The following CDK14 variants were observed in gnomAD, a reference collection of about 807,000 sequenced individuals.
The protein encoded by CDK14 is cyclin dependent kinase 14, also known as cyclin-dependent kinase 14.
In CDK14, 34 loss-of-function variants were observed where a neutral mutation model predicts 60.7. The observed-to-expected ratio is 0.56, with a 90% CI of 0.43 to 0.75. The LOEUF (loss-of-function observed/expected upper bound fraction) is 0.75, where lower values mean the gene tolerates loss of function less well. Ranked by LOEUF, CDK14 falls within the 30% of genes least tolerant of loss-of-function variation. The pLI, the probability that CDK14 is intolerant of heterozygous loss-of-function variation, is 0.00. For missense variants in CDK14, 482 were observed against 564.1 expected, an observed-to-expected ratio of 0.85 and a Z score of 1.47; for synonymous variants, 197 against 203.7, an observed-to-expected ratio of 0.97 and a Z score of 0.28.
chr7:90,767,369 T>C (rs960094650), intron 4 of CDK14, among the ~76,000 whole-genome samples: 2 of 152,192 alleles, frequency 1.3e-5, no homozygotes, highest in African/African-American at 4.8e-5. Context: ...ATTCTCTTAT[T>C]TTCCCTCTGT....
At chr7:90,857,230 A>G (rs1266159865) in intron 5 of CDK14, among the ~76,000 whole-genome samples, 1 of 152,122 alleles carries the variant, frequency 6.6e-6, no homozygotes, top group Non-Finnish European at 1.5e-5. Context: ...GATGAAATTC[A>G]TTTCTTCCAA....
At chr7:90,995,731 C>T (rs1278133507) in intron 10 of CDK14, among the ~76,000 whole-genome samples, 1 of 152,082 alleles carries the variant, frequency 6.6e-6, no homozygotes, top group Non-Finnish European at 1.5e-5. Context: ...CATCAGAATA[C>T]TCTGTTTTGT....
chr7:90,729,371 T>TTTC (rs1491366603), intron 3 of CDK14, among the ~76,000 whole-genome samples: 3 of 132,902 alleles, frequency 2.3e-5, no homozygotes, highest in African/African-American at 1.0e-4. Context: ...TTTTTTTTTT[T>TTTC]CCCCACTCAT....
chr7:90,777,622 G>A lies in CDK14; in HGVS notation c.465-12951G>A, dbSNP rs150814433. Among the ~76,000 whole-genome samples, 68 of 152,328 alleles carry A rather than the reference G, an allele frequency of 4.5e-4. No individual in the cohort carries two copies. The East Asian group carries it at 0.012, about 26-fold the overall frequency. On this transcript the variant is annotated intron_variant, in intron 4 of 14. Transcript: ENST00000380050. ...GATATGTAGCCAAGGTTGAGGACCT[G>A]TACCTTGTCATCTGTGCAGCTGCAA...
chr7:90,612,696 C>T lies in CDK14; in HGVS notation c.123+8447C>T, dbSNP rs1038268007. Among the ~76,000 whole-genome samples the T allele has an allele frequency of 1.5e-4, 23 of 148,558 alleles. 1 individual carries two copies. Among genetic ancestry groups the T allele is most frequent in the South Asian group, 2.1e-4 (1 of 4,696 alleles). On this transcript the variant is annotated intron_variant, in intron 2 of 14. Transcript: ENST00000380050. The stretch of plus-strand genomic sequence containing the variant: ...CTGAGGCAGGAAAATCGCCTGAACC[C>T]GGGAGGCGGAGGTTGCAGTGAGCCG...
intron 14 of CDK14, among the ~76,000 whole-genome samples, chr7:91,191,176 G>T (rs1427716706): frequency 6.6e-6 from 1 of 152,076 alleles, no homozygotes; most frequent in South Asian, 2.1e-4. Flanking sequence ...GCATTGTGGT[G>T]TTACTTTTGG....
chr7:90,817,895 A>G (rs1285643148), intron 5 of CDK14, among the ~76,000 whole-genome samples: 1 of 152,124 alleles, frequency 6.6e-6, no homozygotes, highest in Admixed American at 6.6e-5. Flanking sequence ...CGGATGGTTC[A>G]TGGTGGGTAA....
chr7:91,060,737 T>C (rs1797757210), intron 11 of CDK14, among the ~76,000 whole-genome samples: 1 of 152,256 alleles, frequency 6.6e-6, no homozygotes, highest in Non-Finnish European at 1.5e-5. Flanking sequence ...CCCCACTGTC[T>C]TCTGGCTTGT....
Position 90,639,266 on chromosome 7 carries a change from C to G in CDK14, c.123+35017C>G, listed in dbSNP as rs1584760095. On this transcript the variant is annotated intron_variant, in intron 2 of 14. Transcript: ENST00000380050. ...TTCCCCATCTTTGTGGTTTTATCTA[C>G]TTTTGGTCTTTGATGATGGTGATGT... 2.0e-5 allele frequency among the ~76,000 whole-genome samples: 3 copies of G among 151,870 alleles called. No homozygotes were observed. In the South Asian group the frequency reaches 6.2e-4, roughly 32 times the overall value.
intron 5 of CDK14, among the ~76,000 whole-genome samples, chr7:90,807,775 C>A (rs1004481721): frequency 6.6e-6 from 1 of 152,126 alleles, no homozygotes; most frequent in Non-Finnish European, 1.5e-5. Flanking sequence ...TTTAAAGGAC[C>A]TGATGGAGCT....
At chr7:90,757,593 ATTCT>A (rs1455247369) in intron 4 of CDK14, among the ~76,000 whole-genome samples, 1 of 150,780 alleles carries the variant, frequency 6.6e-6, no homozygotes, top group African/African-American at 2.4e-5. Flanking sequence ...GATTTGTGTA[ATTCT>A]TTTTTTTTTT....
At chr7:90,996,872 C>T (rs1795700391) in intron 10 of CDK14, among the ~76,000 whole-genome samples, 1 of 152,120 alleles carries the variant, frequency 6.6e-6, no homozygotes, top group African/African-American at 2.4e-5. Context: ...ATATTCTTCT[C>T]CAGGACAAAA....
At chr7:90,986,845 A>G (rs1048221415) in intron 10 of CDK14, among the ~76,000 whole-genome samples, 9 of 152,128 alleles carry the variant, frequency 5.9e-5, no homozygotes, top group African/African-American at 2.2e-4. Flanking sequence ...TCAGCCTCTG[A>G]TAGCTGTTGA....
chr7:90,616,531 G>A (rs1374133676), intron 2 of CDK14, among the ~76,000 whole-genome samples: 6 of 152,084 alleles, frequency 3.9e-5, no homozygotes, highest in Non-Finnish European at 7.4e-5. Flanking sequence ...TTACATATTG[G>A]GGTTCAGGTG....
intron 2 of CDK14, among the ~76,000 whole-genome samples, chr7:90,687,477 TGGAAAA>T (rs1801460612): frequency 6.6e-6 from 1 of 151,820 alleles, no homozygotes; most frequent in African/African-American, 2.4e-5. Context: ...TGATAGAAGA[TGGAAAA>T]GGAGGGCTTT....
chr7:90,826,266 T>G (rs1340644287), intron 5 of CDK14, among the ~76,000 whole-genome samples: 1 of 152,208 alleles, frequency 6.6e-6, no homozygotes, highest in Admixed American at 6.5e-5. Context: ...TTACCCAGGC[T>G]AGAGTGCAGT....
At chr7:90,616,485 G>C (rs1799651627) in intron 2 of CDK14, among the ~76,000 whole-genome samples, 1 of 152,126 alleles carries the variant, frequency 6.6e-6, no homozygotes, top group South Asian at 2.1e-4. Flanking sequence ...TTAAAAGGCA[G>C]ACTATTTAAT....
At chr7:91,173,300 T>C (rs1584164159) in intron 14 of CDK14, among the ~76,000 whole-genome samples, 2 of 152,112 alleles carry the variant, frequency 1.3e-5, no homozygotes, top group East Asian at 3.9e-4. Flanking sequence ...ACATTCCCAA[T>C]TAAAGTCCAG....
chr7:91,010,165 G>T (rs964592488), intron 10 of CDK14, among the ~76,000 whole-genome samples: 1 of 151,424 alleles, frequency 6.6e-6, no homozygotes, highest in Admixed American at 6.6e-5. Flanking sequence ...GATTACCGTG[G>T]CTCTATAATA....
Sources: allele counts gnomAD v4.1 joint callset (sites outside exome capture counted in the v4.1 genomes callset), GRCh38; gene constraint gnomAD v4.1.1; transcripts MANE v1.5; gene names NCBI Gene and HGNC (gene_info 2026-07-23, HGNC 2026-07-21).